Variants in FMNL2 observed in about 807,000 individuals in gnomAD.
The protein encoded by FMNL2 is formin-like protein 2.
A neutral mutation model predicts 130.2 loss-of-function variants in FMNL2; 51 were observed. That is an observed-to-expected ratio of 0.39 (90% confidence interval 0.31 to 0.49). The LOEUF (loss-of-function observed/expected upper bound fraction) is 0.49, where lower values mean the gene tolerates loss of function less well. Among genes scored for constraint, FMNL2 ranks in the 20% least tolerant of loss-of-function variants. The pLI is 0.85. For missense variants in FMNL2, 977 were observed against 1,316.2 expected (o/e 0.74, Z 3.99); for synonymous variants, 465 against 467.1 (o/e 1.00, Z 0.06).
chr2:152,335,529 C>T lies in FMNL2; in HGVS notation c.-75C>T. On this transcript the variant is annotated 5_prime_UTR_variant, in exon 1 of 26. Transcript: ENST00000288670. ...GTCGCGCCTGCGGGCGGCAGCCGAC[C>T]GCCGGGAGCTGTTCTGATTTCCGAC... is the stretch of plus-strand genomic sequence containing the variant. 1.6e-6 allele frequency: 2 copies of T among 1,249,674 alleles called. No homozygotes were observed. Among genetic ancestry groups the T allele is most frequent in the Admixed American group, 5.2e-5 (2 of 38,422 alleles). 77.4% of individuals were successfully genotyped at this position (1,249,674 alleles called of 1,614,324 possible). A position where few individuals can be genotyped will look rare whatever the true frequency, so the allele number is the denominator to read the frequency against.
chr2:152,562,971 T>A (rs936959851), intron 6 of FMNL2, among the ~76,000 whole-genome samples: 1 of 152,234 alleles, frequency 6.6e-6, no homozygotes, highest in African/African-American at 2.4e-5. Flanking sequence ...GTTTTTCTGG[T>A]TAATAATTCA....
intron 1 of FMNL2, among the ~76,000 whole-genome samples, chr2:152,496,893 A>G (rs1280460082): frequency 6.6e-6 from 1 of 150,688 alleles, no homozygotes; most frequent in South Asian, 2.1e-4. Flanking sequence ...AGATGTTCCA[A>G]GCTTATCTTG....
intron 1 of FMNL2, among the ~76,000 whole-genome samples, chr2:152,512,444 G>C (rs1218193537): frequency 6.6e-6 from 1 of 152,120 alleles, no homozygotes; most frequent in Non-Finnish European, 1.5e-5. Flanking sequence ...TAGGAAGATG[G>C]GCTGCGGGAG....
At chr2:152,526,053 A>G (rs1002191971) in intron 2 of FMNL2, among the ~76,000 whole-genome samples, 2 of 152,234 alleles carry the variant, frequency 1.3e-5, no homozygotes, top group African/African-American at 4.8e-5. Flanking sequence ...AAAACATTAA[A>G]GAGCAAATAT....
At chr2:152,598,129 T>G (rs1476896670) in intron 9 of FMNL2, among the ~76,000 whole-genome samples, 1 of 152,192 alleles carries the variant, frequency 6.6e-6, no homozygotes, top group Non-Finnish European at 1.5e-5. Context: ...CCCCAAGATC[T>G]GAAATTGCTG....
intron 2 of FMNL2, among the ~76,000 whole-genome samples, chr2:152,524,013 T>C (rs903973764): frequency 1.3e-5 from 2 of 152,216 alleles, no homozygotes; most frequent in Non-Finnish European, 2.9e-5. Flanking sequence ...AGCAGAAGTT[T>C]GCTGTTTCCA....
At chr2:152,505,149 A>T (rs1176969315) in intron 1 of FMNL2, among the ~76,000 whole-genome samples, 1 of 149,940 alleles carries the variant, frequency 6.7e-6, no homozygotes, top group African/African-American at 2.4e-5. Flanking sequence ...AAGTCAGAAG[A>T]TTTTTTTTTT....
chr2:152,438,618 C>T (rs1427311923), intron 1 of FMNL2, among the ~76,000 whole-genome samples: 1 of 151,988 alleles, frequency 6.6e-6, no homozygotes, highest in Non-Finnish European at 1.5e-5. Flanking sequence ...GAAAAATTGT[C>T]TGCTAGTCTT....
intron 1 of FMNL2, among the ~76,000 whole-genome samples, chr2:152,435,350 T>C (rs192373461): frequency 2.6e-5 from 4 of 152,314 alleles, no homozygotes; most frequent in Non-Finnish European, 4.4e-5. Flanking sequence ...GGACAGATTA[T>C]GTAAAAATCA....
At chr2:152,419,271 TCA>T (rs1482969647) in intron 1 of FMNL2, among the ~76,000 whole-genome samples, 3 of 152,210 alleles carry the variant, frequency 2.0e-5, no homozygotes, top group African/African-American at 7.2e-5. Flanking sequence ...CCTAACCTAT[TCA>T]CCTCAAATAT....
At chr2:152,364,152 A>G (rs1435057269) in intron 1 of FMNL2, among the ~76,000 whole-genome samples, 1 of 152,040 alleles carries the variant, frequency 6.6e-6, no homozygotes, top group Non-Finnish European at 1.5e-5. Context: ...CAGAGAAAGC[A>G]GAAGTAGGGT....
At chr2:152,401,007 A>G (rs1308190604) in intron 1 of FMNL2, among the ~76,000 whole-genome samples, 2 of 152,264 alleles carry the variant, frequency 1.3e-5, no homozygotes, top group Admixed American at 1.3e-4. Flanking sequence ...TATGTGACTC[A>G]GTTCTCAATA....
intron 1 of FMNL2, among the ~76,000 whole-genome samples, chr2:152,514,969 A>G (rs1692682217): frequency 6.6e-6 from 1 of 152,178 alleles, no homozygotes; most frequent in African/African-American, 2.4e-5. Flanking sequence ...CATGATGCTT[A>G]TCACTACCAT....
chr2:152,616,267 C>A (rs1445620111), intron 12 of FMNL2, among the ~76,000 whole-genome samples: 1 of 151,402 alleles, frequency 6.6e-6, no homozygotes, highest in African/African-American at 2.4e-5. Flanking sequence ...ACTTTTGTAG[C>A]AGCAATCTAT....
chr2:152,389,258 A>C (rs576571551), intron 1 of FMNL2, among the ~76,000 whole-genome samples: 1 of 152,322 alleles, frequency 6.6e-6, no homozygotes, highest in East Asian at 1.9e-4. Context: ...AGATCAAGGC[A>C]TCAGCAAATT....
chr2:152,506,881 T>A (rs182669707), intron 1 of FMNL2, among the ~76,000 whole-genome samples: 22 of 152,358 alleles, frequency 1.4e-4, no homozygotes, highest in African/African-American at 4.8e-4. Context: ...TAATTACTTA[T>A]CAATATGTGT....
At chr2:152,485,529 A>G (rs547590843) in intron 1 of FMNL2, among the ~76,000 whole-genome samples, 2 of 152,268 alleles carry the variant, frequency 1.3e-5, no homozygotes, top group African/African-American at 2.4e-5. Context: ...GGGACAGAGT[A>G]AGACTCTCTG....
intron 1 of FMNL2, among the ~76,000 whole-genome samples, chr2:152,384,877 T>G (rs1684695440): frequency 1.3e-5 from 2 of 152,272 alleles, no homozygotes; most frequent in South Asian, 4.1e-4. Context: ...CTAGATTTGG[T>G]TTCTTGTTTC....
At chr2:152,607,710 G>A (rs1466420540) in intron 10 of FMNL2, 3 of 225,062 alleles carry the variant, frequency 1.3e-5, no homozygotes, top group Non-Finnish European at 1.8e-5. Flanking sequence ...TGCTGCCATT[G>A]TTTAATTGTT....
Sources: allele counts gnomAD v4.1 joint callset (sites outside exome capture counted in the v4.1 genomes callset), GRCh38; gene constraint gnomAD v4.1.1; transcripts MANE v1.5; gene names NCBI Gene and HGNC (gene_info 2026-07-23, HGNC 2026-07-21).